The following HEATR5A variants were observed in gnomAD, a reference collection of about 807,000 sequenced individuals.
HEATR5A encodes the protein HEAT repeat containing 5A.
Under a neutral mutation model 218.8 loss-of-function variants are expected in HEATR5A, and 178 were observed. The ratio of observed to expected loss-of-function variants is 0.81; its 90% CI spans 0.72 to 0.92. The LOEUF (loss-of-function observed/expected upper bound fraction) is 0.92, where lower values mean the gene tolerates loss of function less well. Among genes scored for constraint, HEATR5A ranks in the 40% least tolerant of loss-of-function variants. HEATR5A has a pLI of 0.00. For synonymous variants in HEATR5A, 864 were observed against 871.6 expected (o/e 0.99, Z 0.15); for missense variants, 2,420 against 2,418.9 (o/e 1.00, Z -0.01).
At chr14:31,346,722 T>A (rs1010397261) in intron 19 of HEATR5A, among the ~76,000 whole-genome samples, 10 of 152,192 alleles carry the variant, frequency 6.6e-5, no homozygotes, top group African/African-American at 2.4e-4. Flanking sequence ...GAAAATCTTT[T>A]AGGAAAACGA....
intron 28 of HEATR5A, among the ~76,000 whole-genome samples, chr14:31,310,861 A>G (rs1358763730): frequency 6.6e-6 from 1 of 152,254 alleles, no homozygotes; most frequent in South Asian, 2.1e-4. Context: ...AAATTCTAAT[A>G]GAACTAGGCT....
At position 31,364,207 on chromosome 14, in the gene HEATR5A, G is replaced by C. The variant is rs1176338463; in HGVS notation, c.2053C>G (p.Pro685Ala). 3.9e-6 allele frequency: 6 copies of C among 1,523,412 alleles called. No homozygotes were observed. The highest frequency in any genetic ancestry group is 5.3e-6 in the Non-Finnish European group (6 of 1,122,062). 94.4% of individuals were successfully genotyped at this position (1,523,412 alleles called of 1,614,324 possible). Residue 685 changes from proline to alanine, a missense_variant, in exon 14 of 36, where the codon CCT (proline) becomes GCT (alanine). Pro to Ala is a conservative substitution (Grantham distance 27, BLOSUM62 -1). Transcript: ENST00000543095. Reference protein sequence around the residue: ...QRLYELLILLPPETYEGNLCA... With the variant: ...QRLYELLILLAPETYEGNLCA... The stretch of plus-strand genomic sequence containing the variant: ...CACATACCTTCATAGGTCTCAGGAG[G>C]TAATAAAATCAACAGTTCATAAAGT...
Position 31,323,798 on chromosome 14 carries a change from G to A in HEATR5A, c.3554C>T (p.Thr1185Ile), listed in dbSNP as rs1224234686. The change falls in exon 24 of 36, where the codon ACA becomes ATA. Residue 1185 changes from threonine to isoleucine, a missense_variant. Coordinates refer to ENST00000543095, the MANE Select transcript of HEATR5A (RefSeq NM_015473.4). Reference sequence around the variant, plus strand: ...CATTGTATCCACACAAGTTACAGCTGTAAAATCTTTTATTAAAGGAGAACA... The same window carrying A: ...CATTGTATCCACACAAGTTACAGCTATAAAATCTTTTATTAAAGGAGAACA... ...KDVLAASADF[T>I]AVTCVDTMQE... The A allele has an allele frequency of 1.3e-6, 2 of 1,578,414 alleles. No homozygotes were observed. The highest frequency in any genetic ancestry group is 4.5e-5 in the East Asian group (2 of 44,520).
chr14:31,302,143 T>C, intron 33 of HEATR5A, 152 bp downstream of exon 33: 1 of 622,962 alleles, frequency 1.6e-6, no homozygotes, highest in South Asian at 2.0e-5. Context: ...ATTTTCTATC[T>C]ACTTATACAT....
Position 31,293,571 on chromosome 14 carries a change from A to C in HEATR5A, c.5875T>G (p.Phe1959Val). The C allele has an allele frequency of 6.2e-7, 1 of 1,613,428 alleles. No individual in the cohort carries two copies. The highest frequency in any genetic ancestry group is 8.5e-7 in the Non-Finnish European group (1 of 1,179,686). ...VACLLPILIS[F>V]LLDENSLGSA... ...CCCAGAGAATTTTCATCCAAAAGGA[A>C]GGAAATGAGGATGGGCAAAAGACAG... Residue 1959 changes from phenylalanine to valine, a missense_variant, in exon 36 of 36, where the codon TTC becomes GTC. Physicochemically the swap from Phe to Val is conservative, Grantham distance 50 (BLOSUM62 -1). Coordinates refer to ENST00000543095, the MANE Select transcript of HEATR5A (RefSeq NM_015473.4).
At chr14:31,410,422 C>T (rs1260907992) in intron 1 of HEATR5A, among the ~76,000 whole-genome samples, 2 of 152,164 alleles carry the variant, frequency 1.3e-5, no homozygotes, top group Non-Finnish European at 2.9e-5. Flanking sequence ...GATTATTCTA[C>T]CCTGACCTCA....
At chr14:31,309,365 A>G (rs1303540774) in intron 28 of HEATR5A, among the ~76,000 whole-genome samples, 183 bp from the exon 29 acceptor site, 1 of 152,164 alleles carries the variant, frequency 6.6e-6, no homozygotes, top group Non-Finnish European at 1.5e-5. Flanking sequence ...AGTTCTGCCT[A>G]TTCTTGAACT....
At chr14:31,351,309 C>T (rs1345600285) in intron 16 of HEATR5A, among the ~76,000 whole-genome samples, 1 of 151,952 alleles carries the variant, frequency 6.6e-6, no homozygotes, top group Non-Finnish European at 1.5e-5. Context: ...CTGGGCAACA[C>T]AGTGAGACCT....
At chr14:31,403,706 G>A (rs775292237) in intron 1 of HEATR5A, among the ~76,000 whole-genome samples, 52 of 152,196 alleles carry the variant, frequency 3.4e-4, no homozygotes, top group Non-Finnish European at 1.2e-4. Context: ...TATCTGCTCT[G>A]ACCTAGATCC....
In HEATR5A at chr14:31,294,108, A is replaced by G; in HGVS notation, c.5620-4T>C. ...GCTGGTAGGTCTTGATTTGTACCTA[A>G]TAAGGTAAGAGAAAAGAATAGCAAA... On this transcript the variant is annotated splice_polypyrimidine_tract_variant and splice_region_variant and intron_variant, in intron 34 of 35. Coordinates refer to ENST00000543095, the MANE Select transcript of HEATR5A (RefSeq NM_015473.4). 6.5e-7 allele frequency: 1 copy of G among 1,549,332 alleles called. No homozygotes were observed.
At chr14:31,299,594 A>G (rs906821876) in intron 33 of HEATR5A, among the ~76,000 whole-genome samples, 1 of 151,652 alleles carries the variant, frequency 6.6e-6, no homozygotes, top group African/African-American at 2.4e-5. Flanking sequence ...GTGGTGGCAC[A>G]TGCCTGTAAT....
chr14:31,354,895 C>A (rs962965748), intron 16 of HEATR5A, among the ~76,000 whole-genome samples: 5 of 152,140 alleles, frequency 3.3e-5, no homozygotes, highest in Non-Finnish European at 5.9e-5. Flanking sequence ...TCCATCCATT[C>A]CCAAGTGACA....
At chr14:31,309,805 C>A (rs1038818932) in intron 28 of HEATR5A, among the ~76,000 whole-genome samples, 1 of 152,004 alleles carries the variant, frequency 6.6e-6, no homozygotes, top group Admixed American at 6.6e-5. Flanking sequence ...TGGGTTCAAG[C>A]GATTCTCCCG....
At chr14:31,349,194 C>T (rs1344102369) in intron 18 of HEATR5A, among the ~76,000 whole-genome samples, 1 of 152,034 alleles carries the variant, frequency 6.6e-6, no homozygotes, top group East Asian at 1.9e-4. Context: ...TCGAGACCAG[C>T]CTGGCCAGCA....
intron 11 of HEATR5A, among the ~76,000 whole-genome samples, chr14:31,377,902 T>C (rs1384042048): frequency 1.3e-5 from 2 of 152,244 alleles, no homozygotes; most frequent in African/African-American, 4.8e-5. Context: ...AAACTTTTAA[T>C]CCCTTTTTGT....
chr14:31,394,743 G>A (rs1291830436), intron 5 of HEATR5A, among the ~76,000 whole-genome samples: 26 of 152,056 alleles, frequency 1.7e-4, no homozygotes, highest in East Asian at 1.9e-4. Context: ...GCGTGAACCC[G>A]GGAGGCAGAG....
chr14:31,372,875 G>GCT (rs765000040), intron 12 of HEATR5A, among the ~76,000 whole-genome samples: 1 of 150,288 alleles, frequency 6.7e-6, no homozygotes, highest in African/African-American at 2.4e-5. Context: ...TCTCTCTTTC[G>GCT]CTCTCTCTCT....
In HEATR5A at chr14:31,358,941, G is replaced by C. The variant is rs1325846223; in HGVS notation, c.2188C>G (p.Leu730Val). The C allele has an allele frequency of 6.3e-6, 10 of 1,591,572 alleles. No homozygotes were observed. Among genetic ancestry groups the C allele is most frequent in the Non-Finnish European group, 7.7e-6 (9 of 1,174,696 alleles). ...TCAGTCTCTTGTAGGAAAGGACTTA[G>C]TATCAAAAGATCATCCTGATGACAG... ...PLCHQDDLLILSPFLQETDHR... is the reference protein window; with the variant it reads ...PLCHQDDLLIVSPFLQETDHR... The change falls in exon 15 of 36, where the codon CTA becomes GTA. Residue 730 changes from leucine to valine, a missense_variant. Physicochemically the swap from Leu to Val is conservative, Grantham distance 32 (BLOSUM62 1). Coordinates refer to ENST00000543095, the MANE Select transcript of HEATR5A (RefSeq NM_015473.4).
At chr14:31,318,940 A>C (rs1900000079) in intron 25 of HEATR5A, among the ~76,000 whole-genome samples, 1 of 152,154 alleles carries the variant, frequency 6.6e-6, no homozygotes, top group Non-Finnish European at 1.5e-5. Context: ...GTGCTAAGAG[A>C]GCCATCTTGA....
Sources: gnomAD v4.1 joint callset for allele counts (sites outside exome capture counted in the v4.1 genomes callset) on GRCh38, gnomAD v4.1.1 for gene constraint, MANE v1.5 for transcripts, NCBI Gene and HGNC (gene_info 2026-07-23, HGNC 2026-07-21) for gene names.